The following VIP variants were observed in gnomAD, a reference collection of about 807,000 sequenced individuals.
VIP encodes the protein vasoactive intestinal peptide.
VIP carries 18 observed loss-of-function variants against 20.1 expected under a neutral mutation model. That is an observed-to-expected ratio of 0.90 (90% CI 0.62 to 1.33). The LOEUF is 1.33. Ranked by LOEUF, VIP falls within the 40% of genes most tolerant of loss-of-function variation. The pLI is 0.00. For synonymous variants in VIP, 70 were observed against 68.1 expected (o/e 1.03, Z -0.14); for missense variants, 209 against 199.4 (o/e 1.05, Z -0.29).
Position 152,750,881 on chromosome 6 carries a change from T to C in VIP, c.-89T>C, listed in dbSNP as rs946305196. 1 of 152,196 alleles carries C rather than the reference T, an allele frequency of 6.6e-6. No homozygotes were observed. Among genetic ancestry groups the C allele is most frequent in the Non-Finnish European group, 1.5e-5 (1 of 68,066 alleles). The allele number at this position is 152,196 out of a possible 1,614,324, so 9.4% of individuals were successfully genotyped here. The stretch of plus-strand genomic sequence containing the variant: ...CAGAGAACTGGTGGAGCCTTTCTCT[T>C]ACTCCCAGGACTTCAGCACCTAAGA... On this transcript the variant is annotated 5_prime_UTR_variant, in exon 1 of 7. Coordinates refer to ENST00000367244, the MANE Select transcript of VIP (RefSeq NM_003381.4).
Position 152,759,353 on chromosome 6 carries a change from G to A in VIP, c.*487G>A, listed in dbSNP as rs28583534. The A allele has an allele frequency of 6.6e-6, 1 of 151,950 alleles. No homozygotes were observed. Among genetic ancestry groups the A allele is most frequent in the East Asian group, 1.9e-4 (1 of 5,186 alleles). The allele number at this position is 151,950 out of a possible 1,614,324, so 9.4% of individuals were successfully genotyped here. A position where few individuals can be genotyped will look rare whatever the true frequency, so the allele number is the denominator to read the frequency against. ...GTTAAATAAACCTCAAAATGTCTAA[G>A]ATAGTAACAATGAAGATAAAAAGAC... On this transcript the variant is annotated 3_prime_UTR_variant, in exon 7 of 7. Transcript: ENST00000367244.
At chr6:152,752,638 G>T (rs559660279) in intron 2 of VIP, among the ~76,000 whole-genome samples, 1 of 152,130 alleles carries the variant, frequency 6.6e-6, no homozygotes, top group South Asian at 2.1e-4. Flanking sequence ...GTGGAAAAAA[G>T]CTGTTTAGTT....
chr6:152,751,994 T>G lies in VIP; in HGVS notation c.-10-174T>G, dbSNP rs530427035. On this transcript the variant is annotated intron_variant, in intron 1 of 6. Transcript: ENST00000367244. ...TAATTTTTATTCAAGCACCTGTCAC[T>G]GAGAGAAATACTGATTTTTGAATGT... Among the ~76,000 whole-genome samples the G allele has an allele frequency of 3.9e-5, 6 of 152,308 alleles. No individual in the cohort carries two copies. The South Asian group carries it at 8.3e-4, about 21-fold the overall frequency.
Position 152,752,198 on chromosome 6 carries a change from C to A in VIP, c.21C>A (p.Ala7=). MDTRNK[A]QLLVLLTLLS... The stretch of plus-strand genomic sequence containing the variant: ...CAGAAATGGACACCAGAAATAAGGC[C>A]CAGCTCCTTGTGCTCCTGACTCTTC... The change falls in exon 2 of 7, where the codon GCC becomes GCA. Residue 7 remains alanine, a synonymous_variant. Transcript: ENST00000367244. 6.2e-7 allele frequency: 1 copy of A among 1,613,382 alleles called. No homozygotes were observed. The highest frequency in any genetic ancestry group is 8.5e-7 in the Non-Finnish European group (1 of 1,179,570).
rs989529677 is a variant in VIP, at chr6:152,752,294, C to T, written c.107+10C>T. The T allele has an allele frequency of 5.6e-6, 9 of 1,604,922 alleles. No homozygotes were observed. The Admixed American group carries it at 1.0e-4, about 18-fold the overall frequency. ...CACCTTCTGCTCTCAGGTAAGTTCCCTTTCAATTCAAACATCTGAACATTC... is the reference window on the plus strand; with the variant it reads ...CACCTTCTGCTCTCAGGTAAGTTCCTTTTCAATTCAAACATCTGAACATTC... On this transcript the variant is annotated intron_variant, in intron 2 of 6. Coordinates refer to ENST00000367244, the MANE Select transcript of VIP (RefSeq NM_003381.4).
rs556921126 is a variant in VIP, at chr6:152,754,891, T to C, written c.231-378T>C. On this transcript the variant is annotated intron_variant, in intron 3 of 6. Transcript: ENST00000367244. ...AATCAGAATATTTTCCCATTGTGAATGTCTTTATTCAGTGGGGCAGACACA... is the reference window on the plus strand; with the variant it reads ...AATCAGAATATTTTCCCATTGTGAACGTCTTTATTCAGTGGGGCAGACACA... Among the ~76,000 whole-genome samples the C allele has an allele frequency of 3.9e-5, 6 of 152,102 alleles. No homozygotes were observed. The East Asian group carries it at 1.2e-3, about 29-fold the overall frequency.
chr6:152,754,058 G>A (rs1278627916), intron 2 of VIP, 108 bp from the exon 3 acceptor site: 1 of 1,232,218 alleles, frequency 8.1e-7, no homozygotes. Flanking sequence ...ATTATGACTG[G>A]GTAATACTTC....
intron 4 of VIP, among the ~76,000 whole-genome samples, chr6:152,755,789 A>G (rs1229393751): frequency 2.0e-5 from 3 of 151,896 alleles, no homozygotes; most frequent in Non-Finnish European, 4.4e-5. Context: ...TCAGGGTAGC[A>G]TAGCTTCTAA....
intron 5 of VIP, 103 bp downstream of exon 5, chr6:152,756,368 G>A (rs2791580): frequency 0.012 from 15,267 of 1,294,436 alleles, 125 homozygotes; most frequent in Non-Finnish European, 0.015. Context: ...GCTATACTAC[G>A]TGAAGCAGTG....
intron 5 of VIP, 72 bp downstream of exon 5, chr6:152,756,337 C>A: frequency 6.6e-7 from 1 of 1,508,390 alleles, no homozygotes; most frequent in Non-Finnish European, 8.9e-7. Flanking sequence ...CACATGGAGA[C>A]CTCTCTATCT....
rs1223361296 is a variant in VIP at position 152,750,853 on chromosome 6, G to A, written c.-117G>A. 6.6e-6 allele frequency: 1 copy of A among 152,214 alleles called. No homozygotes were observed. Among genetic ancestry groups the A allele is most frequent in the Non-Finnish European group, 1.5e-5 (1 of 68,074 alleles). 9.4% of individuals were successfully genotyped at this position (152,214 alleles called of 1,614,324 possible). ...ACAGCCAACCCTTAGCCATTGCTAA[G>A]GGCAGAGAACTGGTGGAGCCTTTCT... On this transcript the variant is annotated 5_prime_UTR_variant, in exon 1 of 7. Transcript: ENST00000367244.
Position 152,754,250 on chromosome 6 carries a change from A to T in VIP, c.192A>T (p.Ala64=). Residue 64 remains alanine (A), a synonymous_variant, in exon 3 of 7, where the codon GCA becomes GCT. Transcript: ENST00000367244. The stretch of plus-strand genomic sequence containing the variant: ...AAGACATTGACATGTTGCAAAATGC[A>T]TTAGCTGAAAATGACACACCCTATT... ...LKEDIDMLQN[A]LAENDTPYYD... The T allele has an allele frequency of 6.2e-7, 1 of 1,611,612 alleles. No individual in the cohort carries two copies. The highest frequency in any genetic ancestry group is 8.5e-7 in the Non-Finnish European group (1 of 1,178,558).
intron 2 of VIP, 98 bp downstream of exon 2, chr6:152,752,382 G>A: frequency 1.0e-6 from 1 of 960,368 alleles, no homozygotes; most frequent in Non-Finnish European, 1.5e-6. Context: ...TATAAATTAT[G>A]TATTATGTAT....
intron 3 of VIP, 132 bp downstream of exon 3, chr6:152,754,420 T>C (rs2099730100): frequency 1.2e-6 from 1 of 818,140 alleles, no homozygotes; most frequent in Non-Finnish European, 1.8e-6. Context: ...CTATGTGTCA[T>C]GGCTTCATTC....
At chr6:152,751,052 T>C (rs899686931) in intron 1 of VIP, 93 bp downstream of exon 1, 2 of 152,190 alleles carry the variant, frequency 1.3e-5, no homozygotes, top group Non-Finnish European at 2.9e-5. Flanking sequence ...TGAAAAGAAT[T>C]TGATAGTGCT....
At chr6:152,757,533 C>T (rs983097299) in intron 6 of VIP, among the ~76,000 whole-genome samples, 2 of 151,840 alleles carry the variant, frequency 1.3e-5, no homozygotes, top group African/African-American at 2.4e-5. Flanking sequence ...TTTTGAGGAT[C>T]GACCCATGCT....
chr6:152,752,149 G>A lies in VIP; in HGVS notation c.-10-19G>A. On this transcript the variant is annotated intron_variant, in intron 1 of 6. Coordinates refer to ENST00000367244, the MANE Select transcript of VIP (RefSeq NM_003381.4). ...TGACATCTTTGGCTGGAAGAACTGAGGTGATTCTCTCTCTTTAGAGGCACA... is the reference window on the plus strand; with the variant it reads ...TGACATCTTTGGCTGGAAGAACTGAAGTGATTCTCTCTCTTTAGAGGCACA... 8 of 1,584,046 alleles carry A rather than the reference G, an allele frequency of 5.1e-6. No homozygotes were observed. The highest frequency in any genetic ancestry group is 6.9e-6 in the Non-Finnish European group (8 of 1,153,490).
intron 5 of VIP, 112 bp from the exon 6 acceptor site, chr6:152,756,984 C>A: frequency 2.2e-6 from 2 of 924,776 alleles, no homozygotes; most frequent in Non-Finnish European, 3.2e-6. Flanking sequence ...GTTTAGCCTC[C>A]CCATACACTT....
intron 6 of VIP, 96 bp downstream of exon 6, chr6:152,757,280 A>C (rs1414649525): frequency 1.3e-6 from 1 of 764,062 alleles, no homozygotes; most frequent in Non-Finnish European, 2.1e-6. Context: ...TTAGGGTTAA[A>C]TAGTTTCTCA....
Sources: gnomAD v4.1 joint callset for allele counts (sites outside exome capture counted in the v4.1 genomes callset) on GRCh38, gnomAD v4.1.1 for gene constraint, MANE v1.5 for transcripts, NCBI Gene and HGNC (gene_info 2026-07-23, HGNC 2026-07-21) for gene names.